Variants in WDR20 observed in about 807,000 individuals in gnomAD.
WDR20 encodes WD repeat-containing protein 20.
WDR20 carries 3 observed loss-of-function variants against 38.7 expected under a neutral mutation model. The ratio of observed to expected loss-of-function variants is 0.08; its 90% CI spans 0.04 to 0.20. WDR20 has a LOEUF of 0.20. WDR20 is among the 10% of genes least tolerant of loss of function. The pLI is 1.00. For missense variants in WDR20, 559 were observed against 727.7 expected (o/e 0.77, Z 2.67); for synonymous variants, 298 against 285.6 (o/e 1.04, Z -0.44).
chr14:102,192,339 C>T (rs897931438), intron 1 of WDR20, among the ~76,000 whole-genome samples: 1 of 151,994 alleles, frequency 6.6e-6, no homozygotes, highest in African/African-American at 2.4e-5. Context: ...ACCACCACGC[C>T]CGGCTAATTT....
intron 1 of WDR20, among the ~76,000 whole-genome samples, chr14:102,159,603 G>A (rs549307334): frequency 6.6e-6 from 1 of 152,190 alleles, no homozygotes; most frequent in Non-Finnish European, 1.5e-5. Flanking sequence ...GGAGGCTGAG[G>A]TGGGCAGATT....
downstream of WDR20, among the ~76,000 whole-genome samples, chr14:102,211,423 C>T (rs907250223): frequency 2.0e-5 from 3 of 152,278 alleles, no homozygotes; most frequent in African/African-American, 7.2e-5. The surrounding 1 kb of genome is among the most constrained non-coding windows in gnomAD (Gnocchi z 4.2). Context: ...TGCTTCCCAT[C>T]TGCAAACATG....
intron 1 of WDR20, among the ~76,000 whole-genome samples, chr14:102,145,988 T>TC (rs2053501602): frequency 6.6e-6 from 1 of 151,592 alleles, no homozygotes; most frequent in Admixed American, 6.6e-5. Flanking sequence ...TGTACTCAGT[T>TC]GTTTTTTTTT....
chr14:102,160,860 A>G (rs535089298), intron 1 of WDR20, among the ~76,000 whole-genome samples: 1 of 145,050 alleles, frequency 6.9e-6, no homozygotes, highest in South Asian at 2.3e-4. Context: ...AGGCAGGAGA[A>G]TGGCGTGAAC....
At chr14:102,154,774 A>C (rs116399951) in intron 1 of WDR20, among the ~76,000 whole-genome samples, 22 of 152,270 alleles carry the variant, frequency 1.4e-4, no homozygotes, top group Admixed American at 1.2e-3. Context: ...TTTGTATGCT[A>C]TCCTTGATTA....
chr14:102,220,836 G>A lies in WDR20; in HGVS notation c.1693-1994G>A, dbSNP rs1450044318. 6.6e-6 allele frequency among the ~76,000 whole-genome samples: 1 copy of A among 151,716 alleles called. No homozygotes were observed. The highest frequency in any genetic ancestry group is 6.6e-5 in the Admixed American group (1 of 15,236). ...CCCCCAGGCTGGAGTGCAGTGGATC[G>A]CGGCTCATTGCACCCTGCATCTCCT... On this transcript the variant is annotated intron_variant, in intron 3 of 3. Coordinates refer to the WDR20 transcript ENST00000335263. This position sits in a 1 kb window ranked among gnomAD's most constrained non-coding sequence, Gnocchi z 4.2.
At chr14:102,179,052 T>C (rs1043299234) in intron 1 of WDR20, 1 of 152,074 alleles carries the variant, frequency 6.6e-6, no homozygotes, top group African/African-American at 2.4e-5. Context: ...CCCACCCCGC[T>C]TTTCATGTAA....
At chr14:102,210,718 T>G (rs1400273903), downstream of WDR20, among the ~76,000 whole-genome samples, 1 of 151,548 alleles carries the variant, frequency 6.6e-6, no homozygotes, top group Non-Finnish European at 1.5e-5. Context: ...GAAAAGGAGT[T>G]TTTTGGTTTT....
Position 102,208,549 on chromosome 14 carries a change from G to A in WDR20, c.433-54G>A. ...GCACACAAGTTTTCTTGCTGGAAAA[G>A]TAGACCTTTGAGACTTCTCCGTTGT... On this transcript the variant is annotated intron_variant, in intron 2 of 2. Coordinates refer to ENST00000342702, the MANE Select transcript of WDR20 (RefSeq NM_144574.4). The surrounding 1 kb of genome is among the most constrained non-coding windows in gnomAD (Gnocchi z 5.6). 1 of 1,526,724 alleles carries A rather than the reference G, an allele frequency of 6.5e-7. No homozygotes were observed. 94.6% of individuals were successfully genotyped at this position (1,526,724 alleles called of 1,614,324 possible). A position where few individuals can be genotyped will look rare whatever the true frequency, so the allele number is the denominator to read the frequency against.
chr14:102,168,099 T>C (rs147999287), intron 1 of WDR20, among the ~76,000 whole-genome samples: 151 of 152,294 alleles, frequency 9.9e-4, no homozygotes, highest in Non-Finnish European at 1.7e-3. Context: ...CTACTGTATT[T>C]CTCTCTTCCC....
At chr14:102,145,757 T>A (rs950606479) in intron 1 of WDR20, among the ~76,000 whole-genome samples, 3 of 141,282 alleles carry the variant, frequency 2.1e-5, no homozygotes, top group African/African-American at 5.0e-5. Context: ...GGCAAGAGAG[T>A]GAGAGCCTGT....
chr14:102,180,062 A>G (rs113712527), intron 1 of WDR20, among the ~76,000 whole-genome samples: 4 of 152,312 alleles, frequency 2.6e-5, no homozygotes, highest in African/African-American at 9.6e-5. Context: ...CTGAGGCAGG[A>G]GAATCACTTG....
At chr14:102,183,543 G>C (rs545536368) in intron 1 of WDR20, among the ~76,000 whole-genome samples, 1 of 152,320 alleles carries the variant, frequency 6.6e-6, no homozygotes, top group Admixed American at 6.5e-5. Context: ...GCTTGTTCTA[G>C]CTGACGCTGG....
At chr14:102,146,289 G>A (rs182067339) in intron 1 of WDR20, among the ~76,000 whole-genome samples, 164 of 152,008 alleles carry the variant, frequency 1.1e-3, no homozygotes, top group South Asian at 4.8e-3. Context: ...CTCAGCCTCC[G>A]AAGTAGCTGG....
intron 1 of WDR20, among the ~76,000 whole-genome samples, chr14:102,183,767 C>G (rs2063914402): frequency 6.6e-6 from 1 of 152,166 alleles, no homozygotes; most frequent in Admixed American, 6.5e-5. Context: ...TACTCAGCAA[C>G]TTGAATTGGA....
chr14:102,139,835 G>C (rs966016417), upstream of WDR20: 22 of 1,547,490 alleles, frequency 1.4e-5, no homozygotes, highest in East Asian at 2.3e-5. Flanking sequence ...GAAGAGGCAG[G>C]GGGTGGGGGA....
chr14:102,193,762 A>AG (rs1304806565), intron 1 of WDR20, among the ~76,000 whole-genome samples: 2 of 152,122 alleles, frequency 1.3e-5, no homozygotes, highest in Admixed American at 6.5e-5. Flanking sequence ...TCAGAACCTG[A>AG]GGGGGCGGTC....
chr14:102,224,754 G>A, downstream of WDR20: 1 of 455,974 alleles, frequency 2.2e-6, no homozygotes, highest in Non-Finnish European at 4.4e-6. Flanking sequence ...GCGCCAGCAG[G>A]GACTCTGGAT....
intron 1 of WDR20, among the ~76,000 whole-genome samples, chr14:102,186,674 G>T (rs780665593): frequency 6.6e-6 from 1 of 152,000 alleles, no homozygotes; most frequent in African/African-American, 2.4e-5. Context: ...ACCAAGGGCC[G>T]GGCGCAGTGG....
Sources: gnomAD v4.1 joint callset for allele counts (sites outside exome capture counted in the v4.1 genomes callset) on GRCh38, gnomAD v4.1.1 for gene constraint, Gnocchi (gnomAD v3.1) non-coding constraint, MANE v1.5 for transcripts, NCBI Gene and HGNC (gene_info 2026-07-23, HGNC 2026-07-21) for gene names.